RNGTT: variants seen among roughly 807,000 people sequenced by gnomAD.
The protein encoded by RNGTT is RNA guanylyltransferase and 5'-phosphatase.
A neutral mutation model predicts 79.3 loss-of-function variants in RNGTT; 33 were observed. The ratio of observed to expected loss-of-function variants is 0.42; its 90% CI spans 0.32 to 0.56. The LOEUF (loss-of-function observed/expected upper bound fraction) is 0.56, where lower values mean the gene tolerates loss of function less well. RNGTT is among the 20% of genes least tolerant of loss of function. RNGTT has a pLI of 0.17. For missense variants in RNGTT, 497 were observed against 739.1 expected (o/e 0.67, Z 3.80); for synonymous variants, 222 against 235.9 (o/e 0.94, Z 0.54).
chr6:88,954,802 G>A (rs1207753418), intron 1 of RNGTT, among the ~76,000 whole-genome samples: 1 of 151,894 alleles, frequency 6.6e-6, no homozygotes, highest in Non-Finnish European at 1.5e-5. Flanking sequence ...CAACACTTTA[G>A]GAAGCTGAGG....
intron 13 of RNGTT, among the ~76,000 whole-genome samples, chr6:88,738,780 T>C (rs1356532906): frequency 6.6e-6 from 1 of 152,054 alleles, no homozygotes; most frequent in African/African-American, 2.4e-5. Context: ...TCTATTAATA[T>C]CTACTCAATT....
At chr6:88,774,481 C>T (rs1174446385) in intron 12 of RNGTT, among the ~76,000 whole-genome samples, 4 of 152,102 alleles carry the variant, frequency 2.6e-5, no homozygotes, top group Non-Finnish European at 5.9e-5. Flanking sequence ...GTACACACTC[C>T]AAAAACCTGA....
Position 88,867,099 on chromosome 6 carries a change from T to C in RNGTT, c.897-13335A>G, listed in dbSNP as rs577082943. On this transcript the variant is annotated intron_variant, in intron 8 of 15. Transcript: ENST00000369485. ...ATCAGAATTAGCATTTTAACAAGAT[T>C]TCCAGGTGATTCACATACACATAGA... is the stretch of plus-strand genomic sequence containing the variant. Among the ~76,000 whole-genome samples the C allele has an allele frequency of 2.6e-5, 4 of 152,292 alleles. No individual in the cohort carries two copies. The South Asian group carries it at 8.3e-4, about 32-fold the overall frequency.
intron 15 of RNGTT, among the ~76,000 whole-genome samples, chr6:88,613,684 A>C (rs926837036): frequency 6.7e-6 from 1 of 149,638 alleles, no homozygotes; most frequent in African/African-American, 2.6e-5. Context: ...TGCAATCCAG[A>C]ACAACAACTG....
chr6:88,704,721 C>T (rs1326863005), intron 13 of RNGTT, among the ~76,000 whole-genome samples: 5 of 152,138 alleles, frequency 3.3e-5, no homozygotes, highest in Admixed American at 3.3e-4. Context: ...CCAACCTCTT[C>T]AGAGGGTATC....
intron 6 of RNGTT, among the ~76,000 whole-genome samples, chr6:88,897,780 T>C (rs1026001886): frequency 3.3e-5 from 5 of 152,128 alleles, no homozygotes; most frequent in African/African-American, 9.7e-5. Flanking sequence ...AAAAATACAG[T>C]TTATGCTGAA....
intron 14 of RNGTT, among the ~76,000 whole-genome samples, chr6:88,628,829 T>C (rs1036955088): frequency 1.3e-5 from 2 of 152,152 alleles, no homozygotes; most frequent in Non-Finnish European, 2.9e-5. Context: ...GAAAATTTTA[T>C]TATTGTTTAC....
rs376873781 is a variant in RNGTT, at chr6:88,740,064, C to T, written c.1439+29710G>A. On this transcript the variant is annotated intron_variant, in intron 13 of 15. Coordinates refer to ENST00000369485, the MANE Select transcript of RNGTT (RefSeq NM_003800.5). ...GAGAAACAAATTTTTCCTAAAATCA[C>T]AATGTTCCTTTTTCAGAAGCAGGAA... Among the ~76,000 whole-genome samples, 9 of 151,900 alleles carry T rather than the reference C, an allele frequency of 5.9e-5. No individual in the cohort carries two copies. In the East Asian group the frequency reaches 9.7e-4, roughly 16 times the overall value.
chr6:88,721,287 C>T (rs1776701820), intron 13 of RNGTT, among the ~76,000 whole-genome samples: 1 of 152,010 alleles, frequency 6.6e-6, no homozygotes, highest in African/African-American at 2.4e-5. Context: ...CTGATACATT[C>T]CTGTCAAAAA....
At chr6:88,678,225 C>A in intron 14 of RNGTT, 128 bp downstream of exon 14, 1 of 1,364,516 alleles carries the variant, frequency 7.3e-7, no homozygotes, top group Non-Finnish European at 9.6e-7. Flanking sequence ...TCAAGTGATC[C>A]ACCTGTCTTA....
intron 13 of RNGTT, among the ~76,000 whole-genome samples, chr6:88,696,578 C>T (rs1159384238): frequency 6.7e-6 from 1 of 148,486 alleles, no homozygotes; most frequent in East Asian, 2.0e-4. Context: ...ACATTGACTG[C>T]AGGATGAACA....
intron 14 of RNGTT, among the ~76,000 whole-genome samples, chr6:88,649,484 TC>T (rs1773711997): frequency 6.6e-6 from 1 of 152,078 alleles, no homozygotes; most frequent in Non-Finnish European, 1.5e-5. Flanking sequence ...GATCACGAGG[TC>T]AGGAGATCGA....
intron 12 of RNGTT, among the ~76,000 whole-genome samples, chr6:88,782,483 G>A (rs574886814): frequency 1.3e-5 from 2 of 151,688 alleles, no homozygotes; most frequent in Admixed American, 1.3e-4. Context: ...TCTTGACACT[G>A]GTCTTGGCAA....
At chr6:88,781,077 T>C (rs1779048059) in intron 12 of RNGTT, among the ~76,000 whole-genome samples, 3 of 152,126 alleles carry the variant, frequency 2.0e-5, no homozygotes, top group Admixed American at 1.3e-4. Context: ...TAGCCCAAAA[T>C]GTCAATGGTG....
intron 13 of RNGTT, among the ~76,000 whole-genome samples, chr6:88,709,868 A>G (rs2127806587): frequency 6.6e-6 from 1 of 152,326 alleles, no homozygotes; most frequent in South Asian, 2.1e-4. Flanking sequence ...CCATTTCTCT[A>G]TTATATGTTT....
At chr6:88,892,913 A>G (rs143433061) in intron 6 of RNGTT, among the ~76,000 whole-genome samples, 7 of 152,198 alleles carry the variant, frequency 4.6e-5, no homozygotes, top group African/African-American at 1.4e-4. Flanking sequence ...TCCAGCAGAC[A>G]CTAGTCCTAC....
intron 11 of RNGTT, among the ~76,000 whole-genome samples, chr6:88,815,826 C>G (rs1323698570): frequency 2.6e-5 from 4 of 152,218 alleles, no homozygotes; most frequent in Non-Finnish European, 5.9e-5. Flanking sequence ...GGACAACCCA[C>G]ACTGGGATAC....
intron 1 of RNGTT, among the ~76,000 whole-genome samples, chr6:88,948,521 C>T (rs1198742930): frequency 2.0e-5 from 3 of 148,606 alleles, no homozygotes; most frequent in African/African-American, 7.4e-5. Flanking sequence ...CCGGCCGCCC[C>T]GTCCGGGAGG....
chr6:88,924,625 C>T (rs1038154690), intron 4 of RNGTT, among the ~76,000 whole-genome samples: 33 of 151,814 alleles, frequency 2.2e-4, no homozygotes, highest in African/African-American at 7.5e-4. Flanking sequence ...CAAGCCAGAC[C>T]CCAATTTGTC....
Sources: gnomAD v4.1 joint callset for allele counts (sites outside exome capture counted in the v4.1 genomes callset) on GRCh38, gnomAD v4.1.1 for gene constraint, MANE v1.5 for transcripts, NCBI Gene and HGNC (gene_info 2026-07-23, HGNC 2026-07-21) for gene names.